BAHCC1: variants seen among roughly 807,000 people sequenced by gnomAD.
BAHCC1 encodes BAH domain and coiled-coil containing 1, also known as BAH and coiled-coil domain-containing protein 1.
A neutral mutation model predicts 88.2 loss-of-function variants in BAHCC1; 43 were observed. The ratio of observed to expected loss-of-function variants is 0.49; its 90% CI spans 0.38 to 0.63. The LOEUF is 0.63. Among genes scored for constraint, BAHCC1 ranks in the 20% least tolerant of loss-of-function variants. BAHCC1 has a pLI of 0.00. For missense variants in BAHCC1, 3,023 were observed against 1,654.8 expected, an observed-to-expected ratio of 1.83 and a Z score of -14.34; for synonymous variants, 1,510 against 745.5, an observed-to-expected ratio of 2.03 and a Z score of -16.71.
At chr17:81,431,248 G>T (rs1171409571) in intron 3 of BAHCC1, among the ~76,000 whole-genome samples, 1 of 152,032 alleles carries the variant, frequency 6.6e-6, no homozygotes, top group African/African-American at 2.4e-5. Context: ...ACCGTGGCCT[G>T]CCCTGGCCGG....
chr17:81,443,554 C>T lies in BAHCC1; in HGVS notation c.2205C>T (p.Pro735=), dbSNP rs572695756. The change falls in exon 5 of 28, where the codon CCC becomes CCT. Residue 735 remains proline, a synonymous_variant. Coordinates refer to ENST00000675386, the MANE Select transcript of BAHCC1 (RefSeq NM_001377448.1). The part of the protein sequence containing the change: ...TNTARQGRAA[P]AFKGGGGPRS... ...CTGCGCGGCAGGGCCGGGCCGCCCC[C>T]GCCTTCAAAGGTACAGGCCCTGCAC... 5.8e-5 allele frequency: 37 copies of T among 642,686 alleles called. No homozygotes were observed. Among genetic ancestry groups the T allele is most frequent in the East Asian group, 1.6e-4 (6 of 36,726 alleles). The allele number at this position is 642,686 out of a possible 1,614,324, so 39.8% of individuals were successfully genotyped here.
chr17:81,452,899 GCCCT>G, intron 14 of BAHCC1, 48 bp downstream of exon 14: 2 of 676,504 alleles, frequency 3.0e-6, no homozygotes, highest in South Asian at 3.3e-5. Context: ...CCGGCCCTGG[GCCCT>G]CGAGGCTGGG....
chr17:81,406,516 C>G (rs1385902825), intron 2 of BAHCC1, among the ~76,000 whole-genome samples: 1 of 152,252 alleles, frequency 6.6e-6, no homozygotes, highest in Non-Finnish European at 1.5e-5. Context: ...GAAAATCACC[C>G]GCAGCCCAGG....
chr17:81,399,417 CTCGCTCGGGCCGGCGG>C lies in BAHCC1; in HGVS notation c.-206-116_-206-101del, dbSNP rs1338682427. ...GCCCCGCCACCCGGCCTGGCCGCCG[CTCGCTCGGGCCGGCGG>C]GGGTGGGGGGTGGGGGGAGTGGGTG... is the stretch of plus-strand genomic sequence containing the variant. On this transcript the variant is annotated intron_variant, in intron 1 of 27. Coordinates refer to ENST00000675386, the MANE Select transcript of BAHCC1 (RefSeq NM_001377448.1). The surrounding 1 kb of genome is among the most constrained non-coding windows in gnomAD (Gnocchi z 4.5). The C allele has an allele frequency of 7.4e-6, 1 of 135,848 alleles. No individual in the cohort carries two copies. The highest frequency in any genetic ancestry group is 1.6e-5 in the Non-Finnish European group (1 of 63,860). 8.4% of individuals were successfully genotyped at this position (135,848 alleles called of 1,614,324 possible).
Position 81,442,405 on chromosome 17 carries a change from GCCACCC to G in BAHCC1, c.1059_1064del (p.Pro355_Pro356del). On this transcript the variant is annotated inframe_deletion, in exon 5 of 28. Transcript: ENST00000675386. ...TACACCACACCGCATCCTACGCCGG[GCCACCC>G]CCGCCCCTCAGCACAGCCGCCGGCT... The G allele has an allele frequency of 1.4e-6, 1 of 695,044 alleles. No homozygotes were observed. 43.1% of individuals were successfully genotyped at this position (695,044 alleles called of 1,614,324 possible).
intron 3 of BAHCC1, among the ~76,000 whole-genome samples, chr17:81,430,688 T>TG (rs1251136009): frequency 6.6e-6 from 1 of 152,120 alleles, no homozygotes; most frequent in Non-Finnish European, 1.5e-5. Context: ...TCAGAGGTAC[T>TG]GGGGCCCCAG....
rs898423728 is a variant in BAHCC1 at position 81,426,588 on chromosome 17, C to A, written c.179-212C>A. ...TGTCAGTACCAGGACACCTGGGGCA[C>A]CAAAAGACTCAGGACTCTGAGTGTG... On this transcript the variant is annotated intron_variant, in intron 2 of 27. Coordinates refer to ENST00000675386, the MANE Select transcript of BAHCC1 (RefSeq NM_001377448.1). Among the ~76,000 whole-genome samples the A allele has an allele frequency of 3.6e-3, 541 of 151,860 alleles. 1 individual carries two copies. The highest frequency in any genetic ancestry group is 6.8e-3 in the Middle Eastern group (2 of 294).
rs781864977 is a variant in BAHCC1, at chr17:81,461,449, C to G, written c.6786C>G (p.Ile2262Met). The change falls in exon 26 of 28, where the codon ATC (isoleucine) becomes ATG (methionine). Residue 2262 changes from isoleucine to methionine, a missense_variant. Transcript: ENST00000675386. The part of the protein sequence containing the change: ...VGKDKKGRAP[I>M]PPLPMGLALR... Reference sequence around the variant, plus strand: ...AGGACAAGAAGGGGCGGGCACCCATCCCCCCGCTGCCCATGGGGCTGGCGC... The same window carrying G: ...AGGACAAGAAGGGGCGGGCACCCATGCCCCCGCTGCCCATGGGGCTGGCGC... 1.4e-6 allele frequency: 1 copy of G among 737,906 alleles called. No homozygotes were observed. The highest frequency in any genetic ancestry group is 2.5e-6 in the Non-Finnish European group (1 of 398,172). The allele number at this position is 737,906 out of a possible 1,614,324, so 45.7% of individuals were successfully genotyped here.
intron 2 of BAHCC1, chr17:81,422,811 G>A (rs1555649749): frequency 2.3e-6 from 1 of 436,978 alleles, no homozygotes. Flanking sequence ...GGAGGAAAAG[G>A]CGGGAGGGAC....
chr17:81,425,900 G>T (rs544011264), intron 2 of BAHCC1, among the ~76,000 whole-genome samples: 4 of 139,480 alleles, frequency 2.9e-5, no homozygotes, highest in South Asian at 5.0e-4. Context: ...TGGTTGGTGG[G>T]TGATGTCATT....
intron 2 of BAHCC1, among the ~76,000 whole-genome samples, chr17:81,408,810 A>G (rs1293309697): frequency 2.0e-5 from 3 of 152,194 alleles, no homozygotes; most frequent in South Asian, 2.1e-4. Context: ...CTTTCCCCTG[A>G]TATCAGCCAC....
chr17:81,456,305 G>C lies in BAHCC1; in HGVS notation c.4578G>C (p.Ala1526=), dbSNP rs1356574235. ...CCCCTCCCTGTTCACAGGAGAAGGC[G>C]CAGTGTAAGAAGAGCAGCTGTCAGG... ...AGLQTASVEK[A]QCKKSSCQGG... Residue 1526 remains alanine, a synonymous_variant, in exon 16 of 28, where the codon GCG becomes GCC. Coordinates refer to ENST00000675386, the MANE Select transcript of BAHCC1 (RefSeq NM_001377448.1). The C allele has an allele frequency of 2.8e-6, 2 of 716,264 alleles. No individual in the cohort carries two copies. Among genetic ancestry groups the C allele is most frequent in the African/African-American group, 1.8e-5 (1 of 57,090 alleles). 44.4% of individuals were successfully genotyped at this position (716,264 alleles called of 1,614,324 possible).
In BAHCC1 at chr17:81,438,354, T is replaced by G. The variant is rs782607090; in HGVS notation, c.359-16T>G. On this transcript the variant is annotated splice_polypyrimidine_tract_variant and intron_variant, in intron 3 of 27. Transcript: ENST00000675386. Reference sequence around the variant, plus strand: ...GCTGGGAGTTGCCTCTGCAACTGGGTCTCTTGCTTCTCTAGCTCCGGGGTA... The same window carrying G: ...GCTGGGAGTTGCCTCTGCAACTGGGGCTCTTGCTTCTCTAGCTCCGGGGTA... 1 of 778,128 alleles carries G rather than the reference T, an allele frequency of 1.3e-6. No homozygotes were observed. The highest frequency in any genetic ancestry group is 2.4e-6 in the Non-Finnish European group (1 of 417,432). The allele number at this position is 778,128 out of a possible 1,614,324, so 48.2% of individuals were successfully genotyped here.
At chr17:81,412,847 G>A (rs1203607622) in intron 2 of BAHCC1, among the ~76,000 whole-genome samples, 3 of 152,200 alleles carry the variant, frequency 2.0e-5, no homozygotes, top group Admixed American at 6.5e-5. Context: ...CTGGGGCCTC[G>A]GACATATCCA....
Position 81,452,062 on chromosome 17 carries a change from A to T in BAHCC1, c.4271A>T (p.Glu1424Val). The change falls in exon 13 of 28, where the codon GAG becomes GTG. Residue 1424 changes from glutamate (E) to valine (V), a missense_variant. Glu to Val is a moderately radical substitution (Grantham distance 121). Coordinates refer to ENST00000675386, the MANE Select transcript of BAHCC1 (RefSeq NM_001377448.1). The part of the protein sequence containing the change: ...RLAELQRRYK[E>V]KQRELARLQR... ...GCGGAGCTGCAGCGGCGCTACAAGG[A>T]GAAGCAGCGGGAGCTGGCCCGCCTG... The T allele has an allele frequency of 1.6e-6, 1 of 629,022 alleles. No individual in the cohort carries two copies. Among genetic ancestry groups the T allele is most frequent in the East Asian group, 2.8e-5 (1 of 35,992 alleles). The allele number at this position is 629,022 out of a possible 1,614,324, so 39.0% of individuals were successfully genotyped here. A position where few individuals can be genotyped will look rare whatever the true frequency, so the allele number is the denominator to read the frequency against.
intron 3 of BAHCC1, among the ~76,000 whole-genome samples, chr17:81,432,919 TCCCCAGGAA>T (rs2064285930): frequency 1.6e-5 from 1 of 61,390 alleles, no homozygotes; most frequent in Non-Finnish European, 3.1e-5. Context: ...CTTCCCCCCA[TCCCCAGGAA>T]GGCTGCGCTC....
intron 2 of BAHCC1, among the ~76,000 whole-genome samples, chr17:81,419,977 G>A (rs1289168995): frequency 2.0e-5 from 3 of 152,136 alleles, no homozygotes; most frequent in Non-Finnish European, 4.4e-5. Flanking sequence ...GGCGGAGCAG[G>A]GTCAGCCTGG....
At chr17:81,419,228 C>T (rs1291101420) in intron 2 of BAHCC1, among the ~76,000 whole-genome samples, 3 of 152,206 alleles carry the variant, frequency 2.0e-5, no homozygotes, top group African/African-American at 7.2e-5. Context: ...CCCAGAGTGG[C>T]CTCTCACCCC....
At chr17:81,433,953 G>A (rs2064302247) in intron 3 of BAHCC1, among the ~76,000 whole-genome samples, 1 of 152,248 alleles carries the variant, frequency 6.6e-6, no homozygotes, top group Non-Finnish European at 1.5e-5. Flanking sequence ...TTGCGGGCGG[G>A]TGGAGGCCAG....
Sources: allele counts gnomAD v4.1 joint callset (sites outside exome capture counted in the v4.1 genomes callset), GRCh38; gene constraint gnomAD v4.1.1; non-coding constraint Gnocchi (gnomAD v3.1); transcripts MANE v1.5; gene names NCBI Gene and HGNC (gene_info 2026-07-23, HGNC 2026-07-21).